The following PALM2AKAP2 variants were observed in gnomAD, a reference collection of about 807,000 sequenced individuals.
PALM2AKAP2 encodes PALM2-AKAP2 fusion protein.
In PALM2AKAP2, 37 loss-of-function variants were observed where a neutral mutation model predicts 71.5. The observed-to-expected ratio is 0.52, with a 90% CI of 0.40 to 0.68. The LOEUF (loss-of-function observed/expected upper bound fraction) is 0.68, where lower values mean the gene tolerates loss of function less well. Among genes scored for constraint, PALM2AKAP2 ranks in the 30% least tolerant of loss-of-function variants. PALM2AKAP2 has a pLI of 0.00. For synonymous variants in PALM2AKAP2, 468 were observed against 478.8 expected, an observed-to-expected ratio of 0.98 and a Z score of 0.29; for missense variants, 1,224 against 1,191.8, an observed-to-expected ratio of 1.03 and a Z score of -0.40.
intron 5 of PALM2AKAP2, among the ~76,000 whole-genome samples, chr9:109,926,527 G>A (rs1334592758): frequency 6.6e-6 from 1 of 152,130 alleles, no homozygotes; most frequent in African/African-American, 2.4e-5. Context: ...GGGGAATTGT[G>A]GGTACAGCAT....
chr9:110,137,795 G>A, exon 2 of PALM2AKAP2: 1 of 1,614,132 alleles, frequency 6.2e-7, no homozygotes, highest in South Asian at 1.1e-5. Context: ...TTCACTGGCT[G>A]ATTTTTCTCT....
intron 7 of PALM2AKAP2, among the ~76,000 whole-genome samples, chr9:110,033,264 C>G (rs930682790): frequency 6.6e-6 from 1 of 152,218 alleles, no homozygotes; most frequent in African/African-American, 2.4e-5. Context: ...GCAAAAGACA[C>G]AGCAAATCTT....
intron 3 of PALM2AKAP2, among the ~76,000 whole-genome samples, chr9:109,922,377 G>A (rs887847465): frequency 1.1e-4 from 13 of 119,026 alleles, no homozygotes; most frequent in South Asian, 3.0e-4. Context: ...AGCTATGATC[G>A]TACCACTACA....
chr9:109,849,350 T>C (rs959175107), intron 1 of PALM2AKAP2, among the ~76,000 whole-genome samples: 1 of 152,214 alleles, frequency 6.6e-6, no homozygotes, highest in African/African-American at 2.4e-5. Flanking sequence ...GCTGGTGATT[T>C]GAAGATAGCC....
At chr9:110,064,799 C>G (rs1834040250) in intron 1 of PALM2AKAP2, among the ~76,000 whole-genome samples, 1 of 152,154 alleles carries the variant, frequency 6.6e-6, no homozygotes, top group African/African-American at 2.4e-5. Context: ...TTTTTGGGAC[C>G]TCGGTGGCCC....
At chr9:109,709,012 A>G (rs1055898824) in intron 1 of PALM2AKAP2, among the ~76,000 whole-genome samples, 2 of 152,206 alleles carry the variant, frequency 1.3e-5, no homozygotes, top group African/African-American at 4.8e-5. Flanking sequence ...GTTGGTCAGC[A>G]GGGATGGGGC....
chr9:109,970,490 G>T (rs1412934307), intron 6 of PALM2AKAP2, among the ~76,000 whole-genome samples: 1 of 152,128 alleles, frequency 6.6e-6, no homozygotes, highest in East Asian at 1.9e-4. Context: ...AAGGGGTTAG[G>T]GTAGAAGCTG....
At chr9:110,162,001 C>T (rs1314285735) in intron 3 of PALM2AKAP2, 93 bp from the exon 10 acceptor site, 12 of 1,513,092 alleles carry the variant, frequency 7.9e-6, no homozygotes, top group Non-Finnish European at 1.1e-5. Flanking sequence ...CCCCTCCCAT[C>T]CTCTTCTGGT....
chr9:109,815,205 A>G (rs1435146079), intron 1 of PALM2AKAP2, among the ~76,000 whole-genome samples: 1 of 152,088 alleles, frequency 6.6e-6, no homozygotes, highest in African/African-American at 2.4e-5. Context: ...GTTGATAGCC[A>G]TGTTTCCAGC....
At chr9:110,092,727 C>T (rs149806371) in intron 1 of PALM2AKAP2, among the ~76,000 whole-genome samples, 1 of 152,210 alleles carries the variant, frequency 6.6e-6, no homozygotes, top group East Asian at 1.9e-4. Context: ...GAAATTCAAA[C>T]GATGTTATCC....
At chr9:110,161,767 C>T (rs1302717842) in intron 3 of PALM2AKAP2, among the ~76,000 whole-genome samples, 1 of 152,144 alleles carries the variant, frequency 6.6e-6, no homozygotes, top group African/African-American at 2.4e-5. Flanking sequence ...CCCCAACGAC[C>T]TTGCTGGTGG....
intron 1 of PALM2AKAP2, among the ~76,000 whole-genome samples, chr9:109,657,008 A>T (rs1315236062): frequency 6.6e-6 from 1 of 152,264 alleles, no homozygotes; most frequent in Non-Finnish European, 1.5e-5. Context: ...CACCTTGGCT[A>T]CAGTCAACAC....
chr9:110,124,921 CAAT>C (rs1337332346), intron 1 of PALM2AKAP2, among the ~76,000 whole-genome samples: 2 of 152,136 alleles, frequency 1.3e-5, no homozygotes, highest in African/African-American at 2.4e-5. Flanking sequence ...TGTCTGGTCT[CAAT>C]GATATTAAAT....
intron 1 of PALM2AKAP2, among the ~76,000 whole-genome samples, chr9:109,669,662 A>G (rs1054896820): frequency 6.6e-6 from 1 of 151,978 alleles, no homozygotes; most frequent in Non-Finnish European, 1.5e-5. Flanking sequence ...TTCTTTTTGT[A>G]TTCTTTCAAT....
intron 3 of PALM2AKAP2, among the ~76,000 whole-genome samples, chr9:109,894,466 A>T (rs1830155299): frequency 6.6e-6 from 1 of 152,236 alleles, no homozygotes; most frequent in Non-Finnish European, 1.5e-5. Context: ...TGGTCCAGGG[A>T]CTGCTTCTGG....
exon 2 of PALM2AKAP2, chr9:110,137,037 A>T (rs374405146): frequency 6.2e-6 from 10 of 1,613,982 alleles, no homozygotes; most frequent in Non-Finnish European, 8.5e-6. Context: ...AAGTACAAGG[A>T]GCGCAAAGAG....
intron 7 of PALM2AKAP2, among the ~76,000 whole-genome samples, chr9:110,021,741 T>TAA (rs35196810): frequency 0.03 from 4,258 of 142,500 alleles, 101 homozygotes; most frequent in Non-Finnish European, 0.044. Context: ...ACATTGAATT[T>TAA]AAAAAAAAAA....
chr9:109,791,735 T>A (rs1827116794), intron 1 of PALM2AKAP2, among the ~76,000 whole-genome samples: 1 of 152,164 alleles, frequency 6.6e-6, no homozygotes, highest in Non-Finnish European at 1.5e-5. Context: ...GAGGGCAGAC[T>A]CCTGAGGGGA....
intron 1 of PALM2AKAP2, among the ~76,000 whole-genome samples, chr9:109,844,509 C>G (rs1360619078): frequency 6.6e-6 from 1 of 152,096 alleles, no homozygotes; most frequent in East Asian, 1.9e-4. Context: ...ACAAATGCAT[C>G]CTGGTTATGT....
Sources: gnomAD v4.1 joint callset for allele counts (sites outside exome capture counted in the v4.1 genomes callset) on GRCh38, gnomAD v4.1.1 for gene constraint, MANE v1.5 for transcripts, NCBI Gene and HGNC (gene_info 2026-07-23, HGNC 2026-07-21) for gene names.